The following VTI1A variants were observed in gnomAD, a reference collection of about 807,000 sequenced individuals.
VTI1A encodes the protein vesicle transport through interaction with t-SNAREs 1A.
Under a neutral mutation model 34.9 loss-of-function variants are expected in VTI1A, and 22 were observed. That is an observed-to-expected ratio of 0.63 (90% CI 0.45 to 0.90). VTI1A has a LOEUF of 0.90. Among genes scored for constraint, VTI1A ranks in the 40% least tolerant of loss-of-function variants. VTI1A has a pLI of 0.00. For synonymous variants in VTI1A, 87 were observed against 97.3 expected (o/e 0.89, Z 0.62); for missense variants, 268 against 275.6 (o/e 0.97, Z 0.20).
chr10:112,714,896 T>C (rs1336250214), intron 7 of VTI1A, among the ~76,000 whole-genome samples: 1 of 152,234 alleles, frequency 6.6e-6, no homozygotes, highest in African/African-American at 2.4e-5. Flanking sequence ...CTTTTCAATC[T>C]TCCATGATGT....
At chr10:112,538,599 G>T in intron 5 of VTI1A, 1 of 337,260 alleles carries the variant, frequency 3.0e-6, no homozygotes, top group Non-Finnish European at 5.4e-6. Flanking sequence ...GTCTTAATAT[G>T]CAGTTACATG....
At chr10:112,618,710 GA>G in intron 5 of VTI1A, among the ~76,000 whole-genome samples, 1 of 151,836 alleles carries the variant, frequency 6.6e-6, no homozygotes, top group South Asian at 2.1e-4. Flanking sequence ...CATAGATAGG[GA>G]GGACATTAGG....
At chr10:112,834,287 G>C in the VTI1A span, among the ~76,000 whole-genome samples, 2 of 152,278 alleles carry the variant, frequency 1.3e-5, no homozygotes, top group Middle Eastern at 6.8e-3. Flanking sequence ...TGTTCTCTTA[G>C]TTCAAGTGAG....
At chr10:112,701,072 A>C (rs1402980669) in intron 7 of VTI1A, among the ~76,000 whole-genome samples, 2 of 152,214 alleles carry the variant, frequency 1.3e-5, no homozygotes, top group Non-Finnish European at 2.9e-5. Context: ...CTAAAGGGTC[A>C]TTTTTGAGCA....
intron 7 of VTI1A, among the ~76,000 whole-genome samples, chr10:112,692,420 A>T (rs1288845930): frequency 6.6e-6 from 1 of 152,152 alleles, no homozygotes; most frequent in Non-Finnish European, 1.5e-5. Flanking sequence ...ATGGAAGCAC[A>T]CACTTCTTTC....
chr10:112,821,381 G>A (rs1270769189), downstream of VTI1A, among the ~76,000 whole-genome samples: 1 of 152,130 alleles, frequency 6.6e-6, no homozygotes, highest in Non-Finnish European at 1.5e-5. Flanking sequence ...ACAATACCTG[G>A]GGGAGCCCAG....
chr10:112,447,565 G>A (rs1846932776), intron 1 of VTI1A, 98 bp downstream of exon 1: 1 of 1,371,548 alleles, frequency 7.3e-7, no homozygotes, highest in Non-Finnish European at 1.0e-6. Context: ...GAGGCGCGAG[G>A]CTGGAGTGGG....
chr10:112,797,703 TG>T (rs5787978), intron 7 of VTI1A, among the ~76,000 whole-genome samples: 109,080 of 151,886 alleles, frequency 0.72, 41,122 homozygotes, highest in South Asian at 0.84. Context: ...GAGGATTTTT[TG>T]TTTGTTTGTT....
chr10:112,722,978 A>G (rs1849865944), intron 7 of VTI1A, among the ~76,000 whole-genome samples: 1 of 152,218 alleles, frequency 6.6e-6, no homozygotes, highest in African/African-American at 2.4e-5. Flanking sequence ...AGTGGTTCAC[A>G]CTGCTGCTCT....
chr10:112,452,686 A>G (rs1305505733), intron 1 of VTI1A, among the ~76,000 whole-genome samples: 1 of 135,446 alleles, frequency 7.4e-6, no homozygotes, highest in African/African-American at 2.9e-5. Flanking sequence ...TATGTTGTCT[A>G]TATATTGGTC....
At chr10:112,557,236 GAT>G (rs1254392093) in intron 5 of VTI1A, among the ~76,000 whole-genome samples, 1 of 152,038 alleles carries the variant, frequency 6.6e-6, no homozygotes, top group African/African-American at 2.4e-5. Flanking sequence ...TGATAAAATT[GAT>G]ATGTTTAGTG....
rs553297595 is a variant in VTI1A at position 112,482,625 on chromosome 10, T to G, written c.264+17968T>G. 1.7e-3 allele frequency among the ~76,000 whole-genome samples: 257 copies of G among 152,290 alleles called. 1 individual carries two copies. The highest frequency in any genetic ancestry group is 5.7e-3 in the African/African-American group (236 of 41,556). ...AAAATAGTCTCTTTGCATTAAGAATTTGCTTTTCACTCTGAAAAGGCATTC... is the reference window on the plus strand; with the variant it reads ...AAAATAGTCTCTTTGCATTAAGAATGTGCTTTTCACTCTGAAAAGGCATTC... On this transcript the variant is annotated intron_variant, in intron 3 of 7. Coordinates refer to ENST00000393077, the MANE Select transcript of VTI1A (RefSeq NM_145206.4).
chr10:112,700,254 A>C (rs11196063), intron 7 of VTI1A, among the ~76,000 whole-genome samples: 9,787 of 152,042 alleles, frequency 0.064, 560 homozygotes, highest in East Asian at 0.28. Context: ...GTAGGTAGTG[A>C]GATTGGATGT....
At chr10:112,607,027 C>G (rs1845112334) in intron 5 of VTI1A, among the ~76,000 whole-genome samples, 1 of 152,142 alleles carries the variant, frequency 6.6e-6, no homozygotes, top group Admixed American at 6.5e-5. Flanking sequence ...TGGCTCATTC[C>G]TGTAATCCAG....
chr10:112,500,279 A>T (rs1849183309), intron 3 of VTI1A, among the ~76,000 whole-genome samples: 1 of 152,044 alleles, frequency 6.6e-6, no homozygotes, highest in Non-Finnish European at 1.5e-5. Flanking sequence ...TACTACAAAT[A>T]CAAAAATTAG....
rs185483679 is a variant in VTI1A, at chr10:112,796,401, G to A, written c.561-18889G>A. Among the ~76,000 whole-genome samples, 114 of 63,872 alleles carry A rather than the reference G, an allele frequency of 1.8e-3. 1 individual carries two copies. Among genetic ancestry groups the A allele is most frequent in the African/African-American group, 4.3e-3 (97 of 22,802 alleles). 41.9% of individuals were successfully genotyped at this position (63,872 alleles called of 152,430 possible). A position where few individuals can be genotyped will look rare whatever the true frequency, so the allele number is the denominator to read the frequency against. On this transcript the variant is annotated intron_variant, in intron 7 of 7. Transcript: ENST00000393077. ...AGCCTGGGCCCCAGAGCAAGACTCC[G>A]TCAAAAAAAAAAAAAAAAAAGAAGG...
chr10:112,496,240 A>G (rs1299019447), intron 3 of VTI1A, among the ~76,000 whole-genome samples: 9 of 140,010 alleles, frequency 6.4e-5, no homozygotes, highest in Non-Finnish European at 1.2e-4. Flanking sequence ...AAAGCCTGAC[A>G]TGATCATTTC....
intron 5 of VTI1A, among the ~76,000 whole-genome samples, chr10:112,648,505 A>G (rs138432592): frequency 1.3e-5 from 2 of 152,308 alleles, no homozygotes; most frequent in African/African-American, 4.8e-5. Context: ...TAATTAAATC[A>G]TCTTTAGGGT....
At chr10:112,582,189 C>A (rs143741951) in intron 5 of VTI1A, among the ~76,000 whole-genome samples, 40 of 152,184 alleles carry the variant, frequency 2.6e-4, no homozygotes, top group African/African-American at 8.9e-4. Context: ...CTTGCTCTGT[C>A]GTGGAGTTAG....
Sources: allele counts gnomAD v4.1 joint callset (sites outside exome capture counted in the v4.1 genomes callset), GRCh38; gene constraint gnomAD v4.1.1; transcripts MANE v1.5; gene names NCBI Gene and HGNC (gene_info 2026-07-23, HGNC 2026-07-21).